ESYT2: variants seen among roughly 807,000 people sequenced by gnomAD.
ESYT2 encodes extended synaptotagmin 2.
In ESYT2, 54 loss-of-function variants were observed where a neutral mutation model predicts 107.2. The observed-to-expected ratio is 0.50, with a 90% CI of 0.40 to 0.63. ESYT2 has a LOEUF of 0.63. Among genes scored for constraint, ESYT2 ranks in the 30% least tolerant of loss-of-function variants. The pLI is 0.00. For missense variants in ESYT2, 1,020 were observed against 1,094.5 expected (o/e 0.93, Z 0.96); for synonymous variants, 491 against 434.1 (o/e 1.13, Z -1.63).
rs560307298 is a variant in ESYT2 at position 158,804,545 on chromosome 7, C to T, written c.331-5473G>A. The stretch of plus-strand genomic sequence containing the variant: ...GAGGCGCGCGACAAACCCAAACTGC[C>T]GAGAAGGGTGAGGCGTGTGATAAAC... On this transcript the variant is annotated intron_variant, in intron 1 of 22. Coordinates refer to ENST00000275418, the MANE Select transcript of ESYT2 (RefSeq NM_001367773.1). 1.3e-3 allele frequency among the ~76,000 whole-genome samples: 181 copies of T among 139,554 alleles called. 4 individuals are homozygous for T. The highest frequency in any genetic ancestry group is 4.0e-3 in the African/African-American group (148 of 36,932). 91.6% of individuals were successfully genotyped at this position (139,554 alleles called of 152,430 possible). A position where few individuals can be genotyped will look rare whatever the true frequency, so the allele number is the denominator to read the frequency against.
chr7:158,737,603 C>T (rs1029279804), intron 19 of ESYT2, among the ~76,000 whole-genome samples: 1 of 152,136 alleles, frequency 6.6e-6, no homozygotes, highest in African/African-American at 2.4e-5. Flanking sequence ...GCTGCACAGG[C>T]CCCCACATTC....
chr7:158,812,086 G>A lies in ESYT2; in HGVS notation c.331-13014C>T, dbSNP rs1262558118. 2.6e-5 allele frequency among the ~76,000 whole-genome samples: 4 copies of A among 152,180 alleles called. No homozygotes were observed. In the South Asian group the frequency reaches 6.2e-4, roughly 24 times the overall value. ...CTTACAGCAGAGAGTATCAGAGGCAGCCACAGCTTCCCCCTGCCACACAGC... is the reference window on the plus strand; with the variant it reads ...CTTACAGCAGAGAGTATCAGAGGCAACCACAGCTTCCCCCTGCCACACAGC... On this transcript the variant is annotated intron_variant, in intron 1 of 22. Transcript: ENST00000275418.
At chr7:158,779,181 C>T (rs1191741732) in intron 6 of ESYT2, among the ~76,000 whole-genome samples, 1 of 152,088 alleles carries the variant, frequency 6.6e-6, no homozygotes, top group Non-Finnish European at 1.5e-5. Flanking sequence ...AGATCAAAGG[C>T]ATCAAACATA....
intron 4 of ESYT2, among the ~76,000 whole-genome samples, chr7:158,790,600 G>A (rs1839256974): frequency 6.6e-6 from 1 of 152,106 alleles, no homozygotes; most frequent in African/African-American, 2.4e-5. Flanking sequence ...TTCAATTTCT[G>A]TTTTTTTCCA....
intron 14 of ESYT2, among the ~76,000 whole-genome samples, chr7:158,752,204 C>G (rs1435210968): frequency 6.6e-6 from 1 of 151,892 alleles, no homozygotes; most frequent in Non-Finnish European, 1.5e-5. Context: ...CATAAGAAAA[C>G]TTTTTAACAA....
chr7:158,807,185 G>A (rs1045903033), intron 1 of ESYT2, among the ~76,000 whole-genome samples: 9 of 145,044 alleles, frequency 6.2e-5, no homozygotes, highest in South Asian at 4.4e-4. Flanking sequence ...CGGGAGGCAG[G>A]GTTTGTAGCG....
At chr7:158,767,570 A>T (rs1329214774) in intron 8 of ESYT2, 84 bp downstream of exon 8, 3 of 1,530,250 alleles carry the variant, frequency 2.0e-6, no homozygotes, top group Non-Finnish European at 2.7e-6. Flanking sequence ...AGAGACAAAG[A>T]GTCACAGCAC....
At chr7:158,816,210 TG>T (rs2129474125) in intron 1 of ESYT2, among the ~76,000 whole-genome samples, 1 of 151,984 alleles carries the variant, frequency 6.6e-6, no homozygotes, top group East Asian at 1.9e-4. Context: ...ATTAGCTGGG[TG>T]TGGTGGTACA....
At chr7:158,756,620 G>T (rs1039988394) in intron 13 of ESYT2, among the ~76,000 whole-genome samples, 2 of 152,016 alleles carry the variant, frequency 1.3e-5, no homozygotes, top group African/African-American at 4.8e-5. Flanking sequence ...ATCAGGAAGG[G>T]ATAATAGGCC....
chr7:158,761,571 T>A (rs747725278), intron 10 of ESYT2, 27 bp from the exon 11 acceptor site: 4 of 1,589,230 alleles, frequency 2.5e-6, no homozygotes, highest in South Asian at 2.2e-5. Context: ...ACGACAACTT[T>A]AGAACATAGA....
At chr7:158,808,835 G>T (rs1426049062) in intron 1 of ESYT2, among the ~76,000 whole-genome samples, 3 of 151,048 alleles carry the variant, frequency 2.0e-5, no homozygotes, top group Non-Finnish European at 4.4e-5. Context: ...TTAACGAGGT[G>T]TGGTGGTGGG....
chr7:158,812,103 C>A (rs564825982), intron 1 of ESYT2, among the ~76,000 whole-genome samples: 1 of 152,314 alleles, frequency 6.6e-6, no homozygotes, highest in East Asian at 1.9e-4. Context: ...CTTCCCCCTG[C>A]CACACAGCCA....
chr7:158,801,274 T>C (rs1210536769), intron 1 of ESYT2, among the ~76,000 whole-genome samples: 1 of 152,232 alleles, frequency 6.6e-6, no homozygotes, highest in East Asian at 1.9e-4. Flanking sequence ...TGGCTTGTAT[T>C]AGAATTTACA....
At chr7:158,739,482 G>A (rs1837110016) in intron 18 of ESYT2, among the ~76,000 whole-genome samples, 1 of 152,152 alleles carries the variant, frequency 6.6e-6, no homozygotes, top group African/African-American at 2.4e-5. Context: ...GAGTAGCTGG[G>A]ATTACAGGCG....
intron 4 of ESYT2, among the ~76,000 whole-genome samples, chr7:158,790,386 A>T (rs1380371343): frequency 2.0e-5 from 3 of 152,186 alleles, no homozygotes; most frequent in Non-Finnish European, 4.4e-5. Context: ...TGGGCACCAC[A>T]CACAGCGTGT....
At position 158,759,507 on chromosome 7, in the gene ESYT2, C is replaced by T; in HGVS notation, c.1398G>A (p.Leu466=). The change falls in exon 13 of 23, where the codon TTG becomes TTA. Residue 466 remains leucine, a synonymous_variant. Coordinates refer to ENST00000275418, the MANE Select transcript of ESYT2 (RefSeq NM_001367773.1). ...GLSSALLILY[L]DSARNLPSNP... Reference sequence around the variant, plus strand: ...CTACCGGAAGGTTCCTTGCTGAATCCAAGTACAAGATCAGCAATGCAGAGG... The same window carrying T: ...CTACCGGAAGGTTCCTTGCTGAATCTAAGTACAAGATCAGCAATGCAGAGG... 6.2e-7 allele frequency: 1 copy of T among 1,610,936 alleles called. No individual in the cohort carries two copies. Among genetic ancestry groups the T allele is most frequent in the Non-Finnish European group, 8.5e-7 (1 of 1,177,364 alleles).
At position 158,829,044 on chromosome 7, in the gene ESYT2, G is replaced by C. The variant is rs1305475127; in HGVS notation, c.330+45C>G. 5 of 1,562,872 alleles carry C rather than the reference G, an allele frequency of 3.2e-6. No homozygotes were observed. In the African/African-American group the frequency reaches 5.6e-5, roughly 18 times the overall value. Reference sequence around the variant, plus strand: ...GTGCCTGCCTGGACGAGGGGAGATCGGGACTGGTGGTCAGGGGTCGGGACG... The same window carrying C: ...GTGCCTGCCTGGACGAGGGGAGATCCGGACTGGTGGTCAGGGGTCGGGACG... On this transcript the variant is annotated intron_variant, in intron 1 of 22. Transcript: ENST00000275418.
In ESYT2 at chr7:158,749,728, C is replaced by T. The variant is rs372295190; in HGVS notation, c.1483-5G>A. The T allele has an allele frequency of 1.2e-6, 2 of 1,612,538 alleles. No individual in the cohort carries two copies. The highest frequency in any genetic ancestry group is 2.7e-5 in the African/African-American group (2 of 74,762). On this transcript the variant is annotated splice_region_variant and splice_polypyrimidine_tract_variant and intron_variant, in intron 14 of 22. Coordinates refer to ENST00000275418, the MANE Select transcript of ESYT2 (RefSeq NM_001367773.1). ...GCTGCTTATTTTCTTCCCTGACTAC[C>T]CAAAACAAACAGAAAACAGACAAAA...
At chr7:158,790,393 G>A (rs1423970691) in intron 4 of ESYT2, among the ~76,000 whole-genome samples, 3 of 152,120 alleles carry the variant, frequency 2.0e-5, no homozygotes, top group Admixed American at 6.5e-5. Context: ...CACACACAGC[G>A]TGTTGTGAGG....
Sources: gnomAD v4.1 joint callset for allele counts (sites outside exome capture counted in the v4.1 genomes callset) on GRCh38, gnomAD v4.1.1 for gene constraint, MANE v1.5 for transcripts, NCBI Gene and HGNC (gene_info 2026-07-23, HGNC 2026-07-21) for gene names.